Variants in ERG observed in about 807,000 individuals in gnomAD.
ERG encodes the protein transcriptional regulator ERG.
ERG carries 9 observed loss-of-function variants against 55.3 expected under a neutral mutation model. That is an observed-to-expected ratio of 0.16 (90% CI 0.10 to 0.28). The LOEUF is 0.28. ERG is among the 10% of genes least tolerant of loss of function. ERG has a pLI of 1.00. For synonymous variants in ERG, 223 were observed against 237.3 expected, an observed-to-expected ratio of 0.94 and a Z score of 0.55; for missense variants, 434 against 631.6, an observed-to-expected ratio of 0.69 and a Z score of 3.35.
chr21:38,473,027 G>A (rs918847874), intron 1 of ERG, among the ~76,000 whole-genome samples: 5 of 152,176 alleles, frequency 3.3e-5, no homozygotes, highest in African/African-American at 1.2e-4. Context: ...GCACTGCGGG[G>A]CAGAACTTCC....
rs960851409 is a variant in ERG at position 38,460,571 on chromosome 21, T to G, written c.19-14950A>C. On this transcript the variant is annotated intron_variant, in intron 1 of 9. Coordinates refer to ENST00000288319, the MANE Select transcript of ERG (RefSeq NM_182918.4). This position sits in a 1 kb window ranked among gnomAD's most constrained non-coding sequence, Gnocchi z 5.0. Reference sequence around the variant, plus strand: ...ACGGGAACTTCCATTCATCATCACATGCAGAAACTCTGGGAACTGAGAATC... The same window carrying G: ...ACGGGAACTTCCATTCATCATCACAGGCAGAAACTCTGGGAACTGAGAATC... 1.1e-4 allele frequency among the ~76,000 whole-genome samples: 16 copies of G among 152,198 alleles called. No individual in the cohort carries two copies. Among genetic ancestry groups the G allele is most frequent in the African/African-American group, 3.6e-4 (15 of 41,442 alleles).
At chr21:38,555,524 G>A (rs2059853040) in intron 2 of ERG, among the ~76,000 whole-genome samples, 1 of 151,648 alleles carries the variant, frequency 6.6e-6, no homozygotes, top group Non-Finnish European at 1.5e-5. Flanking sequence ...TAACATAAAG[G>A]ATGTAACTTA....
chr21:38,470,717 G>A (rs940614028), intron 1 of ERG: 8 of 152,172 alleles, frequency 5.3e-5, no homozygotes, highest in East Asian at 1.9e-4. Flanking sequence ...CCAGCTTTCC[G>A]ACCATGGAAA....
chr21:38,406,828 T>C (rs185709307), intron 3 of ERG, among the ~76,000 whole-genome samples: 4 of 152,316 alleles, frequency 2.6e-5, no homozygotes, highest in African/African-American at 7.2e-5. Flanking sequence ...ATCTCTCTAT[T>C]ATCCCTTGGT....
chr21:38,382,405 T>C lies in ERG; in HGVS notation c.*998A>G. The C allele has an allele frequency of 1.0e-5, 11 of 1,060,320 alleles. No homozygotes were observed. Among genetic ancestry groups the C allele is most frequent in the Non-Finnish European group, 1.1e-5 (10 of 875,784 alleles). 65.7% of individuals were successfully genotyped at this position (1,060,320 alleles called of 1,614,324 possible). On this transcript the variant is annotated 3_prime_UTR_variant, in exon 10 of 10. Coordinates refer to ENST00000288319, the MANE Select transcript of ERG (RefSeq NM_182918.4). ...GGAGAACAAAGCCCCCACATAATGA[T>C]GAGGTCCTGAATGTTTCTCTTAAAT...
intron 2 of ERG, among the ~76,000 whole-genome samples, chr21:38,548,746 G>C (rs2059804636): frequency 6.7e-6 from 1 of 148,818 alleles, no homozygotes; most frequent in Non-Finnish European, 1.5e-5. Context: ...TTACAGGCGT[G>C]AGCCACCGTG....
intron 1 of ERG, among the ~76,000 whole-genome samples, chr21:38,628,804 A>G (rs988164212): frequency 6.6e-6 from 1 of 152,184 alleles, no homozygotes; most frequent in East Asian, 1.9e-4. Flanking sequence ...CAACAAACAG[A>G]CTAAATCTTC....
rs1441471022 is a variant in ERG, at chr21:38,383,277, T to C, written c.*126A>G. 7.5e-7 allele frequency: 1 copy of C among 1,337,548 alleles called. No homozygotes were observed. The highest frequency in any genetic ancestry group is 9.6e-7 in the Non-Finnish European group (1 of 1,042,070). The allele number at this position is 1,337,548 out of a possible 1,614,324, so 82.9% of individuals were successfully genotyped here. ...GAGTCTTTGGATCTCTTCCCCGGCT[T>C]CCTTCCCCAGCCCCAGTAAAGCTTT... On this transcript the variant is annotated 3_prime_UTR_variant, in exon 10 of 10. Coordinates refer to ENST00000288319, the MANE Select transcript of ERG (RefSeq NM_182918.4). This position sits in a 1 kb window ranked among gnomAD's most constrained non-coding sequence, Gnocchi z 5.7.
chr21:38,608,379 AG>A (rs975464379), intron 1 of ERG, among the ~76,000 whole-genome samples: 24 of 152,236 alleles, frequency 1.6e-4, no homozygotes, highest in African/African-American at 5.5e-4. Context: ...AGATGAGCAA[AG>A]CTTGGTAATA....
At chr21:38,587,680 C>T (rs958223148), upstream of ERG, among the ~76,000 whole-genome samples, 41 of 152,226 alleles carry the variant, frequency 2.7e-4, no homozygotes, top group African/African-American at 5.3e-4. Flanking sequence ...AGTTAATAAA[C>T]ATGTTCCCCA....
chr21:38,604,296 A>T (rs1053758392), intron 1 of ERG, among the ~76,000 whole-genome samples: 4 of 151,956 alleles, frequency 2.6e-5, no homozygotes, highest in Non-Finnish European at 2.9e-5. Flanking sequence ...TTAATAGCAA[A>T]TCTCCATTCT....
intron 1 of ERG, among the ~76,000 whole-genome samples, chr21:38,605,352 T>C (rs2060190319): frequency 6.6e-6 from 1 of 152,138 alleles, no homozygotes; most frequent in Admixed American, 6.5e-5. Context: ...ATAATCTTCA[T>C]AAAGAACAGT....
chr21:38,572,171 A>C (rs943130096), intron 2 of ERG, among the ~76,000 whole-genome samples: 2 of 147,528 alleles, frequency 1.4e-5, no homozygotes, highest in Non-Finnish European at 3.0e-5. Context: ...CCTGGCTAAC[A>C]CGGTGAAACC....
chr21:38,544,966 T>A (rs28562445), intron 2 of ERG, among the ~76,000 whole-genome samples: 1 of 151,836 alleles, frequency 6.6e-6, no homozygotes, highest in Non-Finnish European at 1.5e-5. Flanking sequence ...AGGAAGCTTC[T>A]ACCCGCTCTT....
chr21:38,492,378 A>C (rs1724385058), intron 1 of ERG, among the ~76,000 whole-genome samples: 2 of 152,242 alleles, frequency 1.3e-5, no homozygotes, highest in African/African-American at 4.8e-5. Flanking sequence ...AATTTAAGTC[A>C]ATTTTAATTA....
chr21:38,533,966 G>A (rs1199089656), intron 2 of ERG, among the ~76,000 whole-genome samples: 2 of 152,044 alleles, frequency 1.3e-5, no homozygotes, highest in Non-Finnish European at 2.9e-5. Context: ...CAAGGAACAA[G>A]TGCTCTCACC....
intron 1 of ERG, among the ~76,000 whole-genome samples, chr21:38,633,950 C>A (rs1472446580): frequency 1.3e-5 from 2 of 151,314 alleles, no homozygotes; most frequent in East Asian, 1.9e-4. Flanking sequence ...CTCAAAAGAA[C>A]CATAAGGTTC....
intron 1 of ERG, among the ~76,000 whole-genome samples, chr21:38,491,090 C>T (rs560549965): frequency 4.0e-5 from 6 of 151,744 alleles, no homozygotes; most frequent in African/African-American, 1.4e-4. Context: ...GGAGCAATGT[C>T]TTGGGACATC....
intron 2 of ERG, among the ~76,000 whole-genome samples, chr21:38,521,027 T>A (rs1358837416): frequency 6.6e-6 from 1 of 152,008 alleles, no homozygotes; most frequent in Non-Finnish European, 1.5e-5. Context: ...TGGGGAGAAG[T>A]GAGATAACAA....
Sources: allele counts gnomAD v4.1 joint callset (sites outside exome capture counted in the v4.1 genomes callset), GRCh38; gene constraint gnomAD v4.1.1; non-coding constraint Gnocchi (gnomAD v3.1); transcripts MANE v1.5; gene names NCBI Gene and HGNC (gene_info 2026-07-23, HGNC 2026-07-21).